APBA1: variants seen among roughly 807,000 people sequenced by gnomAD.
The protein encoded by APBA1 is amyloid-beta A4 precursor protein-binding family A member 1.
In APBA1, 55 loss-of-function variants were observed where a neutral mutation model predicts 86.6. The ratio of observed to expected loss-of-function variants is 0.64; its 90% CI spans 0.51 to 0.80. APBA1 has a LOEUF of 0.80. Ranked by LOEUF, APBA1 falls within the 30% of genes least tolerant of loss-of-function variation. The pLI is 0.00. For missense variants in APBA1, 1,090 were observed against 1,183.0 expected (o/e 0.92, Z 1.15); for synonymous variants, 511 against 493.9 (o/e 1.03, Z -0.46).
chr9:69,435,150 T>C (rs936543000), intron 11 of APBA1, among the ~76,000 whole-genome samples: 2 of 152,106 alleles, frequency 1.3e-5, no homozygotes, highest in Non-Finnish European at 2.9e-5. Flanking sequence ...CTGCATAGTA[T>C]TCCATGGTGT....
At chr9:69,498,789 A>G (rs1835838596) in intron 2 of APBA1, among the ~76,000 whole-genome samples, 1 of 152,174 alleles carries the variant, frequency 6.6e-6, no homozygotes, top group South Asian at 2.1e-4. Flanking sequence ...CAAAATAAGG[A>G]ACAGCATAGC....
intron 1 of APBA1, among the ~76,000 whole-genome samples, chr9:69,630,974 C>T (rs1034710007): frequency 6.6e-6 from 1 of 152,162 alleles, no homozygotes; most frequent in Non-Finnish European, 1.5e-5. Flanking sequence ...AACTGAATGA[C>T]CTTGAGCAAG....
chr9:69,527,719 T>C (rs1836366342), intron 1 of APBA1, among the ~76,000 whole-genome samples: 1 of 152,132 alleles, frequency 6.6e-6, no homozygotes, highest in South Asian at 2.1e-4. Context: ...GCTGACTCTA[T>C]ACTTACTCTA....
At position 69,626,352 on chromosome 9, in the gene APBA1, CT is replaced by C. The variant is rs1289242405; in HGVS notation, c.-70+45800del. 6.6e-5 allele frequency among the ~76,000 whole-genome samples: 10 copies of C among 151,382 alleles called. No homozygotes were observed. The East Asian group carries it at 7.8e-4, about 12-fold the overall frequency. On this transcript the variant is annotated intron_variant, in intron 1 of 12. Coordinates refer to ENST00000265381, the MANE Select transcript of APBA1 (RefSeq NM_001163.4). Reference sequence around the variant, plus strand: ...TGTTTGTTTGTTTGTTTGTTTTTGGCTTTTTTTTCCCCACAAATGTACATTA... The same window carrying C: ...TGTTTGTTTGTTTGTTTGTTTTTGGCTTTTTTTCCCCACAAATGTACATTA...
At position 69,522,095 on chromosome 9, in the gene APBA1, A is replaced by ATT. The variant is rs879310640; in HGVS notation, c.-69-4818_-69-4817dup. On this transcript the variant is annotated intron_variant, in intron 1 of 12. Transcript: ENST00000265381. ...CACACACACACACACACATATATAA[A>ATT]TTATATATATATATATGTGTGTGTG... 6.5e-3 allele frequency among the ~76,000 whole-genome samples: 982 copies of ATT among 151,418 alleles called. 1 individual carries two copies. The highest frequency in any genetic ancestry group is 0.014 in the Middle Eastern group (4 of 294).
At chr9:69,440,519 G>A (rs545170552) in intron 11 of APBA1, among the ~76,000 whole-genome samples, 2 of 152,208 alleles carry the variant, frequency 1.3e-5, no homozygotes, top group South Asian at 4.1e-4. Context: ...CCACCTTGCA[G>A]TTTGATCTCA....
At chr9:69,542,036 A>C (rs2133919018) in intron 1 of APBA1, among the ~76,000 whole-genome samples, 1 of 152,216 alleles carries the variant, frequency 6.6e-6, no homozygotes, top group African/African-American at 2.4e-5. Flanking sequence ...ATAGTTTAAA[A>C]ATATATCTAT....
intron 1 of APBA1, among the ~76,000 whole-genome samples, chr9:69,585,122 T>C (rs1821993394): frequency 6.6e-6 from 1 of 152,194 alleles, no homozygotes; most frequent in South Asian, 2.1e-4. Flanking sequence ...GGCCCTGCCC[T>C]TGGGGAGCTG....
intron 1 of APBA1, among the ~76,000 whole-genome samples, chr9:69,565,100 C>G (rs1298050574): frequency 6.6e-6 from 1 of 152,082 alleles, no homozygotes; most frequent in Non-Finnish European, 1.5e-5. Context: ...TTCTAAAATA[C>G]TTTTTCTAGT....
chr9:69,600,887 A>T (rs1374300768), intron 1 of APBA1, among the ~76,000 whole-genome samples: 1 of 151,374 alleles, frequency 6.6e-6, no homozygotes, highest in African/African-American at 2.4e-5. Flanking sequence ...ATGTTAACTC[A>T]TCCTCCACCT....
intron 4 of APBA1, among the ~76,000 whole-genome samples, chr9:69,469,633 G>A (rs1054984141): frequency 1.3e-5 from 2 of 152,084 alleles, no homozygotes; most frequent in African/African-American, 4.8e-5. Context: ...ACAGGGGCCC[G>A]CTCTGAATCT....
At chr9:69,434,672 A>ACTC (rs1441805081) in intron 11 of APBA1, among the ~76,000 whole-genome samples, 1 of 149,850 alleles carries the variant, frequency 6.7e-6, no homozygotes, top group African/African-American at 2.5e-5. Flanking sequence ...GTGCCACTGT[A>ACTC]CTCCATCTTG....
chr9:69,461,388 T>C (rs1235861806), intron 5 of APBA1: 1 of 152,190 alleles, frequency 6.6e-6, no homozygotes. Flanking sequence ...CTGCCGCTGT[T>C]AACACACTCT....
At chr9:69,515,697 G>C (rs966098217) in intron 2 of APBA1, among the ~76,000 whole-genome samples, 3 of 125,318 alleles carry the variant, frequency 2.4e-5, no homozygotes, top group Admixed American at 1.8e-4. Flanking sequence ...AACTGGGGGG[G>C]GGGGGGGCGG....
chr9:69,519,181 T>G (rs1240941394), intron 1 of APBA1, among the ~76,000 whole-genome samples: 1 of 152,238 alleles, frequency 6.6e-6, no homozygotes, highest in Non-Finnish European at 1.5e-5. Flanking sequence ...GATGGATGGT[T>G]AAGGCTGTAA....
At chr9:69,578,092 T>TA (rs1210229545) in intron 1 of APBA1, among the ~76,000 whole-genome samples, 1 of 152,220 alleles carries the variant, frequency 6.6e-6, no homozygotes, top group Non-Finnish European at 1.5e-5. Context: ...ACATCGATCT[T>TA]ACTTTCTTCC....
intron 1 of APBA1, among the ~76,000 whole-genome samples, chr9:69,636,922 G>GGAAAGAAAGAAAGAAA (rs1164309911): frequency 8.8e-4 from 56 of 63,960 alleles, no homozygotes; most frequent in African/African-American, 2.9e-3. Context: ...AAGGAAGGAA[G>GGAAAGAAAGAAAGAAA]GAAAGAAAGA....
intron 1 of APBA1, among the ~76,000 whole-genome samples, chr9:69,593,980 T>C (rs1189968190): frequency 1.3e-5 from 2 of 152,228 alleles, no homozygotes; most frequent in African/African-American, 2.4e-5. Flanking sequence ...TTATTACATT[T>C]GCATAACAGC....
intron 2 of APBA1, among the ~76,000 whole-genome samples, chr9:69,482,545 C>A (rs1311310981): frequency 5.3e-5 from 8 of 150,380 alleles, no homozygotes; most frequent in Non-Finnish European, 1.0e-4. Context: ...CTAGTTCAAC[C>A]CTTGTGGAAG....
Sources: gnomAD v4.1 joint callset for allele counts (sites outside exome capture counted in the v4.1 genomes callset) on GRCh38, gnomAD v4.1.1 for gene constraint, MANE v1.5 for transcripts, NCBI Gene and HGNC (gene_info 2026-07-23, HGNC 2026-07-21) for gene names.